SLIT2: variants seen among roughly 807,000 people sequenced by gnomAD.
The protein encoded by SLIT2 is slit guidance ligand 2.
In SLIT2, 41 loss-of-function variants were observed where a neutral mutation model predicts 185.7. That is an observed-to-expected ratio of 0.22 (90% confidence interval 0.17 to 0.29). SLIT2 has a LOEUF of 0.29. Ranked by LOEUF, SLIT2 falls within the 10% of genes least tolerant of loss-of-function variation. The pLI is 1.00. For synonymous variants in SLIT2, 693 were observed against 680.2 expected, an observed-to-expected ratio of 1.02 and a Z score of -0.29; for missense variants, 1,571 against 1,909.0, an observed-to-expected ratio of 0.82 and a Z score of 3.30.
intron 30 of SLIT2, among the ~76,000 whole-genome samples, chr4:20,594,149 A>G (rs1434111800): frequency 6.7e-6 from 1 of 149,138 alleles, no homozygotes; most frequent in Non-Finnish European, 1.5e-5. Context: ...ATATACACAC[A>G]TACATATGTA....
chr4:20,594,283 A>G (rs1357011459), intron 30 of SLIT2, among the ~76,000 whole-genome samples: 2 of 150,724 alleles, frequency 1.3e-5, no homozygotes, highest in Non-Finnish European at 3.0e-5. Context: ...GTGTGTATGT[A>G]TATGTGTGTA....
chr4:20,338,117 A>G (rs1409584560), intron 4 of SLIT2, among the ~76,000 whole-genome samples: 2 of 152,210 alleles, frequency 1.3e-5, no homozygotes, highest in Non-Finnish European at 2.9e-5. Context: ...TGGTATATTT[A>G]AATGATTCAT....
intron 4 of SLIT2, among the ~76,000 whole-genome samples, chr4:20,377,224 C>G (rs1336670114): frequency 1.3e-5 from 2 of 151,888 alleles, no homozygotes; most frequent in Non-Finnish European, 2.9e-5. Flanking sequence ...AAATCATTCT[C>G]AAATAGAAAA....
chr4:20,479,563 C>T (rs1716481405), intron 5 of SLIT2, among the ~76,000 whole-genome samples: 1 of 151,682 alleles, frequency 6.6e-6, no homozygotes, highest in Non-Finnish European at 1.5e-5. Context: ...CGTCAAAATA[C>T]TTTTTTAACT....
chr4:20,285,152 C>T (rs1288472131), intron 4 of SLIT2, among the ~76,000 whole-genome samples: 2 of 152,234 alleles, frequency 1.3e-5, no homozygotes, highest in East Asian at 1.9e-4. Context: ...TCCAGCCATA[C>T]ACTCCTCTGT....
intron 29 of SLIT2, among the ~76,000 whole-genome samples, chr4:20,583,755 G>C (rs1726803498): frequency 2.0e-5 from 3 of 151,938 alleles, no homozygotes; most frequent in Admixed American, 6.6e-5. Flanking sequence ...GTTGCAGTGA[G>C]CCAAGATCAT....
chr4:20,332,269 G>T (rs759918493), intron 4 of SLIT2, among the ~76,000 whole-genome samples: 3 of 152,136 alleles, frequency 2.0e-5, no homozygotes, highest in African/African-American at 2.4e-5. Flanking sequence ...AGTAAAATGT[G>T]CAAGTGAAGT....
rs1341103294 is a variant in SLIT2 at position 20,454,467 on chromosome 4, C to T, written c.396-13285C>T. Among the ~76,000 whole-genome samples the T allele has an allele frequency of 2.6e-5, 4 of 152,034 alleles. No individual in the cohort carries two copies. The East Asian group carries it at 5.8e-4, about 22-fold the overall frequency. ...TTTACAAGTTGGCATACTCATTTAC[C>T]GTCCACATTTACATTTCTTTGCTTT... On this transcript the variant is annotated intron_variant, in intron 4 of 36. Coordinates refer to ENST00000504154, the MANE Select transcript of SLIT2 (RefSeq NM_004787.4).
At chr4:20,473,095 G>T (rs977470978) in intron 5 of SLIT2, among the ~76,000 whole-genome samples, 1 of 151,846 alleles carries the variant, frequency 6.6e-6, no homozygotes, top group Non-Finnish European at 1.5e-5. Flanking sequence ...AATGTACTAT[G>T]TGAGGTAAAC....
At position 20,528,247 on chromosome 4, in the gene SLIT2, T is replaced by C. The variant is rs1242756726; in HGVS notation, c.1463-702T>C. ...CTCCTTCCCTCCATTTTCCTCTTGG[T>C]CTTACCTTTGGCCTAGTGGTTGGTG... On this transcript the variant is annotated intron_variant, in intron 15 of 36. Coordinates refer to ENST00000504154, the MANE Select transcript of SLIT2 (RefSeq NM_004787.4). The surrounding 1 kb of genome is among the most constrained non-coding windows in gnomAD (Gnocchi z 4.2). The C allele has an allele frequency of 5.6e-6, 3 of 534,546 alleles. No homozygotes were observed. The Admixed American group carries it at 5.8e-5, about 10-fold the overall frequency. The allele number at this position is 534,546 out of a possible 1,614,324, so 33.1% of individuals were successfully genotyped here.
At chr4:20,438,967 A>T (rs868507495) in intron 4 of SLIT2, among the ~76,000 whole-genome samples, 12 of 152,154 alleles carry the variant, frequency 7.9e-5, no homozygotes, top group African/African-American at 2.9e-4. Context: ...ATTGTCTGAC[A>T]TACTATATTG....
chr4:20,585,827 T>C (rs1338591439), intron 29 of SLIT2, among the ~76,000 whole-genome samples: 1 of 152,180 alleles, frequency 6.6e-6, no homozygotes, highest in Admixed American at 6.5e-5. Context: ...CTATTTTTTA[T>C]TATTTTTCCA....
In SLIT2 at chr4:20,256,711, A is replaced by G. The variant is rs1476281863; in HGVS notation, c.219A>G (p.Thr73=). The change falls in exon 2 of 37, where the codon ACA becomes ACG. Residue 73 remains threonine, a synonymous_variant. Coordinates refer to ENST00000504154, the MANE Select transcript of SLIT2 (RefSeq NM_004787.4). ...ATAACATCACAAGAATTACGAAGAC[A>G]GATTTTGCTGGTCTTAGACATCTAA... The part of the protein sequence containing the change: ...NGNNITRITK[T]DFAGLRHLRV... 2.5e-6 allele frequency: 4 copies of G among 1,576,696 alleles called. No homozygotes were observed. Among genetic ancestry groups the G allele is most frequent in the African/African-American group, 2.7e-5 (2 of 73,810 alleles).
chr4:20,386,947 C>A (rs763662279), intron 4 of SLIT2, among the ~76,000 whole-genome samples: 1 of 152,116 alleles, frequency 6.6e-6, no homozygotes, highest in African/African-American at 2.4e-5. Flanking sequence ...TGCACATTTC[C>A]TTTGGGGGAT....
rs1485213289 is a variant in SLIT2, at chr4:20,539,524, A to G, written c.1916A>G (p.Asp639Gly). ...TCTGTGCGTTTGCTTTCTTTGTATG[A>G]TAATCAAATTACTACAGTTGCACCA... ...LSSVRLLSLY[D>G]NQITTVAPGA... Residue 639 changes from aspartate (D) to glycine (G), a missense_variant, in exon 19 of 37, where the codon GAT becomes GGT. Around this residue, in one of 3 missense-constraint regions of SLIT2, gnomAD observed 1,202 missense variants for 1,416.4 expected, o/e 0.85. Coordinates refer to ENST00000504154, the MANE Select transcript of SLIT2 (RefSeq NM_004787.4). 1 of 1,612,802 alleles carries G rather than the reference A, an allele frequency of 6.2e-7. No homozygotes were observed. The highest frequency in any genetic ancestry group is 1.1e-5 in the South Asian group (1 of 91,044).
chr4:20,392,076 G>C (rs1488968430), intron 4 of SLIT2: 1 of 151,950 alleles, frequency 6.6e-6, no homozygotes, highest in African/African-American at 2.4e-5. Flanking sequence ...TAACGATGGA[G>C]ATACATTCTG....
At chr4:20,439,419 G>A (rs1363550367) in intron 4 of SLIT2, among the ~76,000 whole-genome samples, 1 of 152,138 alleles carries the variant, frequency 6.6e-6, no homozygotes, top group Admixed American at 6.5e-5. Context: ...CTTAGCTGCT[G>A]GTGGTTTGCC....
At position 20,532,048 on chromosome 4, in the gene SLIT2, T is replaced by C. The variant is rs143141065; in HGVS notation, c.1678T>C (p.Leu560=). The C allele has an allele frequency of 8.8e-5, 137 of 1,561,556 alleles. 1 individual carries two copies. The highest frequency in any genetic ancestry group is 4.3e-4 in the African/African-American group (31 of 71,930). The change falls in exon 17 of 37, where the codon TTA becomes CTA. Residue 560 remains leucine (L), a synonymous_variant. Transcript: ENST00000504154. ...AGGAATCTTTAAGAAACTTCCTCAA[T>C]TACGTAAAATGTAAGTCACTTGTTA... The part of the protein sequence containing the change: ...ATGIFKKLPQ[L]RKINFSNNKI...
At chr4:20,387,949 T>C (rs1306429439) in intron 4 of SLIT2, among the ~76,000 whole-genome samples, 1 of 152,068 alleles carries the variant, frequency 6.6e-6, no homozygotes. Flanking sequence ...CAATGTATAA[T>C]AATTTATCAT....
Sources: allele counts gnomAD v4.1 joint callset (sites outside exome capture counted in the v4.1 genomes callset), GRCh38; gene constraint gnomAD v4.1.1; regional missense constraint gnomAD v4.1.1; non-coding constraint Gnocchi (gnomAD v3.1); transcripts MANE v1.5; gene names NCBI Gene and HGNC (gene_info 2026-07-23, HGNC 2026-07-21).